The following ZNF782 variants were observed in gnomAD, a reference collection of about 807,000 sequenced individuals.
ZNF782 encodes zinc finger protein 782.
In ZNF782, 12 loss-of-function variants were observed where a neutral mutation model predicts 13.0. That is an observed-to-expected ratio of 0.92 (90% CI 0.59 to 1.50). The LOEUF (loss-of-function observed/expected upper bound fraction) is 1.50. ZNF782 is among the 40% of genes most tolerant of loss of function. The probability of loss-of-function intolerance (pLI) is 0.00; values close to 1 mark genes in which losing one functional copy is unlikely to be tolerated. For synonymous variants in ZNF782, 284 were observed against 283.0 expected (o/e 1.00, Z -0.04); for missense variants, 770 against 822.9 (o/e 0.94, Z 0.79).
At chr9:96,911,510 G>GTTTTTTT in the ZNF782 span, among the ~76,000 whole-genome samples, 54 of 109,662 alleles carry the variant, frequency 4.9e-4, 1 homozygote, top group East Asian at 0.013. Context: ...TTTTTTTTTT[G>GTTTTTTT]TTTTTGTTTT....
At chr9:96,881,087 A>G in the ZNF782 span, among the ~76,000 whole-genome samples, 1 of 152,018 alleles carries the variant, frequency 6.6e-6, no homozygotes, top group Admixed American at 6.6e-5. Context: ...TTAAGCTTTT[A>G]ATGTCTGTAG....
At chr9:96,864,355 T>C (rs1851734922) in intron 1 of ZNF782, among the ~76,000 whole-genome samples, 1 of 151,946 alleles carries the variant, frequency 6.6e-6, no homozygotes, top group Non-Finnish European at 1.5e-5. Context: ...TGGAAAAACA[T>C]AAAAGAGTTT....
At chr9:96,920,687 C>T in the ZNF782 span, among the ~76,000 whole-genome samples, 2 of 149,514 alleles carry the variant, frequency 1.3e-5, no homozygotes, top group African/African-American at 4.9e-5. Flanking sequence ...GAGGCCGAGG[C>T]AGGCGGATCC....
chr9:96,821,551 C>T (rs557322954), intron 5 of ZNF782, among the ~76,000 whole-genome samples: 1 of 152,126 alleles, frequency 6.6e-6, no homozygotes, highest in Non-Finnish European at 1.5e-5. Flanking sequence ...ATCTGACACT[C>T]ATGATTTTTT....
chr9:96,837,606 AC>A lies in ZNF782; in HGVS notation c.142+7283del, dbSNP rs773239525. On this transcript the variant is annotated intron_variant, in intron 4 of 5. Transcript: ENST00000481138. ...TTTGCTCTTTCTTTAGTTTCTTAAGACGTGAAGTTAGGTTATTATTTGAGAT... is the reference window on the plus strand; with the variant it reads ...TTTGCTCTTTCTTTAGTTTCTTAAGAGTGAAGTTAGGTTATTATTTGAGAT... Among the ~76,000 whole-genome samples, 5 of 152,192 alleles carry A rather than the reference AC, an allele frequency of 3.3e-5. No individual in the cohort carries two copies. The South Asian group carries it at 1.0e-3, about 32-fold the overall frequency.
chr9:96,826,287 A>T (rs577991999), intron 5 of ZNF782, among the ~76,000 whole-genome samples: 1 of 152,108 alleles, frequency 6.6e-6, no homozygotes, highest in African/African-American at 2.4e-5. Flanking sequence ...TTCTCAGTAA[A>T]CTATCGCAAG....
chr9:96,895,497 A>C, the ZNF782 span: 1 of 152,202 alleles, frequency 6.6e-6, no homozygotes, highest in South Asian at 2.1e-4. Context: ...AATAATGAGG[A>C]GGCTGTGTCC....
chr9:96,883,186 G>C, the ZNF782 span, among the ~76,000 whole-genome samples: 1 of 152,208 alleles, frequency 6.6e-6, no homozygotes, highest in African/African-American at 2.4e-5. Flanking sequence ...TTAAAAACAT[G>C]GTGACAGGAT....
intron 3 of ZNF782, among the ~76,000 whole-genome samples, chr9:96,849,641 G>A (rs573076748): frequency 2.6e-5 from 4 of 152,160 alleles, no homozygotes; most frequent in Non-Finnish European, 4.4e-5. Context: ...AAAAGCAAAC[G>A]CTACAAAAAC....
At chr9:96,827,444 C>G (rs1306659341) in intron 4 of ZNF782, among the ~76,000 whole-genome samples, 1 of 152,076 alleles carries the variant, frequency 6.6e-6, no homozygotes, top group Non-Finnish European at 1.5e-5. Context: ...ATCCTTCTGC[C>G]TCAGCCTCCT....
chr9:96,869,246 T>C (rs555214209), intron 1 of ZNF782, among the ~76,000 whole-genome samples: 22 of 152,344 alleles, frequency 1.4e-4, no homozygotes, highest in African/African-American at 4.3e-4. Flanking sequence ...TTAAAAGTTA[T>C]AGATATCATC....
chr9:96,874,171 G>A (rs1851864158), intron 1 of ZNF782, among the ~76,000 whole-genome samples: 1 of 152,200 alleles, frequency 6.6e-6, no homozygotes, highest in Non-Finnish European at 1.5e-5. Flanking sequence ...ACCTGGACCT[G>A]TGACGGACTA....
chr9:96,850,966 AGT>A lies in ZNF782; in HGVS notation c.15+979_15+980del, dbSNP rs1389935393. ...AAGTAAGTAGGCAAGTTGCATCTTC[AGT>A]GTTAAAGTATATTAGCACAAGGATG... On this transcript the variant is annotated intron_variant, in intron 3 of 5. Coordinates refer to ENST00000481138, the MANE Select transcript of ZNF782 (RefSeq NM_001001662.3). This position sits in a 1 kb window ranked among gnomAD's most constrained non-coding sequence, Gnocchi z 4.3. Among the ~76,000 whole-genome samples, 1 of 152,192 alleles carries A rather than the reference AGT, an allele frequency of 6.6e-6. No individual in the cohort carries two copies.
the ZNF782 span, among the ~76,000 whole-genome samples, chr9:96,886,208 G>GAAAA: frequency 6.8e-5 from 6 of 88,418 alleles, no homozygotes; most frequent in Non-Finnish European, 8.2e-5. Context: ...TTTAAGTACA[G>GAAAA]AAAAAAAAAA....
chr9:96,823,033 T>C (rs1850479727), intron 5 of ZNF782, among the ~76,000 whole-genome samples: 3 of 152,324 alleles, frequency 2.0e-5, no homozygotes, highest in African/African-American at 7.2e-5. Flanking sequence ...AGCAGAGTTG[T>C]GAAAGACACA....
At chr9:96,915,400 C>T in the ZNF782 span, among the ~76,000 whole-genome samples, 7 of 150,296 alleles carry the variant, frequency 4.7e-5, no homozygotes, top group African/African-American at 1.5e-4. Context: ...TCTCCTAGGC[C>T]GGGCACCGTG....
chr9:96,818,551 G>A lies in ZNF782; in HGVS notation c.1472C>T (p.Ser491Leu). The A allele has an allele frequency of 6.2e-7, 1 of 1,613,800 alleles. No individual in the cohort carries two copies. The highest frequency in any genetic ancestry group is 8.5e-7 in the Non-Finnish European group (1 of 1,179,946). Reference protein sequence around the residue: ...NECGKSFSHMSGLRNHRRTHT... With the variant: ...NECGKSFSHMLGLRNHRRTHT... ...AGTTCTTCGGTGATTCCTTAGGCCTGACATATGGCTGAAAGATTTCCCGCA... is the reference window on the plus strand; with the variant it reads ...AGTTCTTCGGTGATTCCTTAGGCCTAACATATGGCTGAAAGATTTCCCGCA... The change falls in exon 6 of 6, where the codon TCA becomes TTA. Residue 491 changes from serine (S) to leucine (L), a missense_variant. Transcript: ENST00000481138.
At chr9:96,854,622 A>G (rs908780496), upstream of ZNF782, 2 of 152,258 alleles carry the variant, frequency 1.3e-5, no homozygotes, top group Admixed American at 6.5e-5. Context: ...TCCGCCTTCG[A>G]CGTGACTCCT....
rs1250453499 is a variant in ZNF782 at position 96,854,090 on chromosome 9, G to A, written c.-264C>T. 6.6e-6 allele frequency: 1 copy of A among 152,220 alleles called. No individual in the cohort carries two copies. The allele number at this position is 152,220 out of a possible 1,614,324, so 9.4% of individuals were successfully genotyped here. On this transcript the variant is annotated splice_region_variant and 5_prime_UTR_variant, in exon 1 of 6. Transcript: ENST00000481138. ...CAGTTGACAGAGATGGAACTTACCC[G>A]GGTTTTTCCAGCTCCAGAGCTCGGG... is the stretch of plus-strand genomic sequence containing the variant.
Sources: gnomAD v4.1 joint callset for allele counts (sites outside exome capture counted in the v4.1 genomes callset) on GRCh38, gnomAD v4.1.1 for gene constraint, Gnocchi (gnomAD v3.1) non-coding constraint, MANE v1.5 for transcripts, NCBI Gene and HGNC (gene_info 2026-07-23, HGNC 2026-07-21) for gene names.